Variants in TMEM117 observed in about 807,000 individuals in gnomAD.
TMEM117 encodes the protein transmembrane protein 117.
A neutral mutation model predicts 52.4 loss-of-function variants in TMEM117; 27 were observed. The ratio of observed to expected loss-of-function variants is 0.51; its 90% CI spans 0.38 to 0.71. The LOEUF (loss-of-function observed/expected upper bound fraction) is 0.71. Among genes scored for constraint, TMEM117 ranks in the 30% least tolerant of loss-of-function variants. The pLI, the probability that TMEM117 is intolerant of heterozygous loss-of-function variation, is 0.00. For synonymous variants in TMEM117, 215 were observed against 206.3 expected (o/e 1.04, Z -0.36); for missense variants, 556 against 630.5 (o/e 0.88, Z 1.26).
At chr12:44,045,371 C>T (rs1224639010) in intron 3 of TMEM117, among the ~76,000 whole-genome samples, 1 of 152,160 alleles carries the variant, frequency 6.6e-6, no homozygotes, top group Non-Finnish European at 1.5e-5. Context: ...TATTGGACCT[C>T]TTTCATCATG....
chr12:44,128,872 T>C (rs533876046), intron 3 of TMEM117, among the ~76,000 whole-genome samples: 2 of 152,336 alleles, frequency 1.3e-5, no homozygotes, highest in Non-Finnish European at 2.9e-5. Flanking sequence ...AAGTCTTACC[T>C]GCATTCATTA....
chr12:43,932,635 T>C (rs1944889644), intron 2 of TMEM117, among the ~76,000 whole-genome samples: 1 of 152,234 alleles, frequency 6.6e-6, no homozygotes, highest in Admixed American at 6.5e-5. Context: ...CTCAGCTTTC[T>C]CATTTATTAA....
chr12:43,906,764 AC>A lies in TMEM117; in HGVS notation c.278-37445del, dbSNP rs201017234. Among the ~76,000 whole-genome samples the A allele has an allele frequency of 9.9e-5, 15 of 152,252 alleles. No individual in the cohort carries two copies. The East Asian group carries it at 2.7e-3, about 27-fold the overall frequency. Reference sequence around the variant, plus strand: ...GCACCTGGAAAATCGGGTCACTCCCACTGGAATACTGCACTTTTCCGACAGG... The same window carrying A: ...GCACCTGGAAAATCGGGTCACTCCCATGGAATACTGCACTTTTCCGACAGG... On this transcript the variant is annotated intron_variant, in intron 2 of 7. Coordinates refer to ENST00000266534, the MANE Select transcript of TMEM117 (RefSeq NM_032256.3).
At chr12:44,223,875 A>G (rs1357007143) in intron 5 of TMEM117, among the ~76,000 whole-genome samples, 2 of 152,200 alleles carry the variant, frequency 1.3e-5, no homozygotes, top group Admixed American at 1.3e-4. Context: ...TCTGAAAAGT[A>G]TAATTGTTTG....
intron 2 of TMEM117, among the ~76,000 whole-genome samples, chr12:43,861,953 T>C (rs956610041): frequency 6.6e-6 from 1 of 152,230 alleles, no homozygotes; most frequent in African/African-American, 2.4e-5. Flanking sequence ...TGATTAGTTA[T>C]GGCTGGTTAG....
intron 4 of TMEM117, among the ~76,000 whole-genome samples, chr12:44,152,893 C>G (rs931196511): frequency 6.8e-6 from 1 of 146,018 alleles, no homozygotes; most frequent in Non-Finnish European, 1.5e-5. Flanking sequence ...CCTCAACCTA[C>G]CCCTGATTCG....
At chr12:43,873,783 G>T (rs1160432480) in intron 2 of TMEM117, among the ~76,000 whole-genome samples, 4 of 151,362 alleles carry the variant, frequency 2.6e-5, no homozygotes, top group Admixed American at 2.6e-4. Flanking sequence ...TTACCAAGAA[G>T]GTTCTCAGAA....
At chr12:43,933,656 G>A (rs1454505635) in intron 2 of TMEM117, among the ~76,000 whole-genome samples, 1 of 151,834 alleles carries the variant, frequency 6.6e-6, no homozygotes, top group African/African-American at 2.4e-5. Context: ...CTCTGCCTCC[G>A]GGTTCAAGCT....
At chr12:43,981,953 C>G (rs4768059) in intron 3 of TMEM117, among the ~76,000 whole-genome samples, 148,395 of 152,184 alleles carry the variant, frequency 0.98, 72,409 homozygotes, top group East Asian at 1. Context: ...ACAGTAGGGT[C>G]ATGATGGTTA....
intron 4 of TMEM117, among the ~76,000 whole-genome samples, chr12:44,182,564 G>A (rs1949218190): frequency 6.6e-6 from 1 of 152,090 alleles, no homozygotes; most frequent in African/African-American, 2.4e-5. Context: ...AAAATAATAA[G>A]AGCTATCTGT....
the TMEM117 span, among the ~76,000 whole-genome samples, chr12:43,818,675 C>A: frequency 6.6e-6 from 1 of 152,130 alleles, no homozygotes; most frequent in East Asian, 1.9e-4. Flanking sequence ...GATCTCTTGA[C>A]CTCGTGATCC....
At chr12:44,256,567 G>A (rs1950262781) in intron 5 of TMEM117, among the ~76,000 whole-genome samples, 1 of 151,962 alleles carries the variant, frequency 6.6e-6, no homozygotes, top group African/African-American at 2.4e-5. Context: ...GAATTTTGCT[G>A]CTATAGATTA....
intron 2 of TMEM117, among the ~76,000 whole-genome samples, chr12:43,873,078 A>G (rs188694711): frequency 1.5e-3 from 221 of 152,326 alleles, no homozygotes; most frequent in Admixed American, 3.1e-3. Context: ...CTCAATAGTG[A>G]TGGATGCTTG....
At chr12:43,854,309 G>A (rs1170145472) in intron 2 of TMEM117, among the ~76,000 whole-genome samples, 1 of 152,046 alleles carries the variant, frequency 6.6e-6, no homozygotes, top group Non-Finnish European at 1.5e-5. Flanking sequence ...ATAAGGGGTG[G>A]AGCAAAGGCA....
At chr12:43,810,849 TG>T in the TMEM117 span, among the ~76,000 whole-genome samples, 1 of 152,218 alleles carries the variant, frequency 6.6e-6, no homozygotes, top group Admixed American at 6.5e-5. Flanking sequence ...GTATCTGTTA[TG>T]TTTTTTCAGA....
chr12:44,101,396 T>G (rs1052152949), intron 3 of TMEM117, among the ~76,000 whole-genome samples: 3 of 151,982 alleles, frequency 2.0e-5, no homozygotes, highest in African/African-American at 4.8e-5. Flanking sequence ...TTTCAGTCTC[T>G]TTCATGGACT....
At chr12:44,332,253 T>G (rs1045112438) in intron 6 of TMEM117, among the ~76,000 whole-genome samples, 7 of 152,102 alleles carry the variant, frequency 4.6e-5, no homozygotes, top group Non-Finnish European at 1.5e-5. Flanking sequence ...TGCATAGTTT[T>G]ATTTTAATAG....
At chr12:44,158,217 G>A (rs778038937) in intron 4 of TMEM117, among the ~76,000 whole-genome samples, 3 of 152,256 alleles carry the variant, frequency 2.0e-5, no homozygotes, top group Admixed American at 1.3e-4. Flanking sequence ...TCTCCTCTGC[G>A]TTATGTTTCC....
intron 6 of TMEM117, among the ~76,000 whole-genome samples, chr12:44,356,868 T>C (rs1004220781): frequency 6.6e-6 from 1 of 152,170 alleles, no homozygotes; most frequent in Non-Finnish European, 1.5e-5. Flanking sequence ...TAGTCAATAC[T>C]CTACCTTCGT....
Sources: gnomAD v4.1 joint callset for allele counts (sites outside exome capture counted in the v4.1 genomes callset) on GRCh38, gnomAD v4.1.1 for gene constraint, MANE v1.5 for transcripts, NCBI Gene and HGNC (gene_info 2026-07-23, HGNC 2026-07-21) for gene names.